Variants in PTPN11 observed in about 807,000 individuals in gnomAD.
PTPN11 encodes protein tyrosine phosphatase non-receptor type 11.
Under a neutral mutation model 78.8 loss-of-function variants are expected in PTPN11, and 6 were observed. The observed-to-expected ratio is 0.08, with a 90% CI of 0.04 to 0.15. The LOEUF (loss-of-function observed/expected upper bound fraction) is 0.15, where lower values mean the gene tolerates loss of function less well. Ranked by LOEUF, PTPN11 falls within the 10% of genes least tolerant of loss-of-function variation. The pLI is 1.00. For synonymous variants in PTPN11, 221 were observed against 263.5 expected (o/e 0.84, Z 1.56); for missense variants, 386 against 744.8 (o/e 0.52, Z 5.61).
chr12:112,464,525 G>A (rs984717169), intron 6 of PTPN11, among the ~76,000 whole-genome samples: 5 of 151,454 alleles, frequency 3.3e-5, no homozygotes, highest in African/African-American at 7.3e-5. Context: ...TCCACCTCCC[G>A]GGTTCTTGTG....
chr12:112,444,795 C>T (rs1328831699), intron 1 of PTPN11, among the ~76,000 whole-genome samples: 3 of 152,130 alleles, frequency 2.0e-5, no homozygotes, highest in African/African-American at 7.2e-5. Context: ...GAGGATCCTG[C>T]AGTTTGTCTC....
chr12:112,445,530 T>A (rs1592821995), intron 1 of PTPN11, among the ~76,000 whole-genome samples: 1 of 152,216 alleles, frequency 6.6e-6, no homozygotes, highest in East Asian at 1.9e-4. Context: ...CAATCTAACA[T>A]CATGGGATTT....
chr12:112,468,844 G>T (rs1298366156), intron 6 of PTPN11, among the ~76,000 whole-genome samples: 1 of 152,220 alleles, frequency 6.6e-6, no homozygotes, highest in East Asian at 1.9e-4. Flanking sequence ...CCGGAGGAGG[G>T]CTGGAGTCCT....
chr12:112,468,969 T>C (rs2038371848), intron 6 of PTPN11, among the ~76,000 whole-genome samples: 1 of 152,038 alleles, frequency 6.6e-6, no homozygotes, highest in Admixed American at 6.6e-5. Flanking sequence ...GAGGCTGAGG[T>C]GCGAGGATCA....
At chr12:112,441,277 T>G (rs1247244778) in intron 1 of PTPN11, among the ~76,000 whole-genome samples, 1 of 150,776 alleles carries the variant, frequency 6.6e-6, no homozygotes, top group Non-Finnish European at 1.5e-5. Flanking sequence ...TTTTTTTAAA[T>G]CTGAGAAGAG....
intron 6 of PTPN11, among the ~76,000 whole-genome samples, chr12:112,465,013 A>G (rs1337523572): frequency 6.6e-6 from 1 of 152,258 alleles, no homozygotes. Flanking sequence ...TCAAATGAGA[A>G]TGACACTAAC....
intron 1 of PTPN11, among the ~76,000 whole-genome samples, chr12:112,444,294 A>G (rs560623593): frequency 1.4e-4 from 22 of 152,056 alleles, no homozygotes; most frequent in African/African-American, 5.1e-4. Context: ...AATTACTTTG[A>G]GTATATACCT....
intron 1 of PTPN11, among the ~76,000 whole-genome samples, chr12:112,443,376 G>A (rs1364460721): frequency 1.4e-5 from 2 of 148,090 alleles, no homozygotes; most frequent in African/African-American, 5.0e-5. Context: ...TTTTTTTTTG[G>A]AGATGGAATT....
At position 112,424,867 on chromosome 12, in the gene PTPN11, TTG is replaced by T. The variant is rs567490227; in HGVS notation, c.14+5764_14+5765del. On this transcript the variant is annotated intron_variant, in intron 1 of 15. Coordinates refer to ENST00000351677, the MANE Select transcript of PTPN11 (RefSeq NM_002834.5). ...GGCACACGCCACCATGTCAGGCTAA[TTG>T]TGTGTGTGTGTGTGTGTGTGTATGT... Among the ~76,000 whole-genome samples the T allele has an allele frequency of 1.4e-3, 193 of 134,962 alleles. 1 individual carries two copies. The highest frequency in any genetic ancestry group is 3.8e-3 in the Middle Eastern group (1 of 262). 88.5% of individuals were successfully genotyped at this position (134,962 alleles called of 152,430 possible).
At chr12:112,470,087 A>G (rs1002755095) in intron 6 of PTPN11, among the ~76,000 whole-genome samples, 6 of 151,950 alleles carry the variant, frequency 3.9e-5, no homozygotes, top group African/African-American at 1.5e-4. Flanking sequence ...ATGTCTGGCT[A>G]ATCTTTAAAT....
Position 112,442,833 on chromosome 12 carries a change from TATATATA to T in PTPN11, c.15-3442_15-3436del, listed in dbSNP as rs1566162566. Among the ~76,000 whole-genome samples the T allele has an allele frequency of 2.9e-4, 5 of 17,002 alleles. No homozygotes were observed. In the African/African-American group the frequency reaches 3.6e-3, roughly 12 times the overall value. 11.2% of individuals were successfully genotyped at this position (17,002 alleles called of 152,430 possible). A position where few individuals can be genotyped will look rare whatever the true frequency, so the allele number is the denominator to read the frequency against. On this transcript the variant is annotated intron_variant, in intron 1 of 15. Coordinates refer to ENST00000351677, the MANE Select transcript of PTPN11 (RefSeq NM_002834.5). ...TCTCCTCTCTCTCTCTCTCTTTTTA[TATATATA>T]TATATATATATATATATATATATAT...
intron 1 of PTPN11, among the ~76,000 whole-genome samples, chr12:112,443,092 T>C (rs564262378): frequency 2.0e-5 from 3 of 151,480 alleles, no homozygotes; most frequent in African/African-American, 7.2e-5. Flanking sequence ...ACAAGGACAC[T>C]TGGTTACATA....
At position 112,467,213 on chromosome 12, in the gene PTPN11, AAC is replaced by A. The variant is rs2038342778; in HGVS notation, c.757-5729_757-5728del. 2.0e-5 allele frequency among the ~76,000 whole-genome samples: 3 copies of A among 152,338 alleles called. No individual in the cohort carries two copies. In the South Asian group the frequency reaches 6.2e-4, roughly 32 times the overall value. ...AGTGCCGTTGGGTACTCACATGTAC[AAC>A]ATGGATCAGGACATTGACTTTCTGT... On this transcript the variant is annotated intron_variant, in intron 6 of 15. Coordinates refer to ENST00000351677, the MANE Select transcript of PTPN11 (RefSeq NM_002834.5).
chr12:112,462,356 A>T (rs899909784), intron 6 of PTPN11, among the ~76,000 whole-genome samples: 4 of 147,132 alleles, frequency 2.7e-5, no homozygotes, highest in Non-Finnish European at 6.0e-5. Context: ...CCCTGTTTTT[A>T]AAAAAAAAAA....
chr12:112,485,148 C>T (rs950604698), intron 10 of PTPN11, among the ~76,000 whole-genome samples: 1 of 151,842 alleles, frequency 6.6e-6, no homozygotes, highest in Admixed American at 6.6e-5. Flanking sequence ...ACTCGGGAGT[C>T]GAGTCTGAGG....
intron 7 of PTPN11, among the ~76,000 whole-genome samples, chr12:112,475,838 T>A (rs1214624879): frequency 6.6e-6 from 1 of 152,190 alleles, no homozygotes; most frequent in Non-Finnish European, 1.5e-5. Context: ...TGTATATGTA[T>A]GAGGATGGGG....
chr12:112,473,748 G>A (rs2038455267), intron 7 of PTPN11, among the ~76,000 whole-genome samples: 1 of 151,908 alleles, frequency 6.6e-6, no homozygotes, highest in South Asian at 2.1e-4. Context: ...TCGGGAGGCT[G>A]AGGCGGGAAA....
chr12:112,495,596 A>G (rs1592858748), intron 13 of PTPN11, among the ~76,000 whole-genome samples: 2 of 152,080 alleles, frequency 1.3e-5, no homozygotes, highest in South Asian at 4.1e-4. Context: ...TTCTCACTGC[A>G]TAATTACAAA....
At chr12:112,423,431 G>A (rs1312291945) in intron 1 of PTPN11, among the ~76,000 whole-genome samples, 1 of 151,828 alleles carries the variant, frequency 6.6e-6, no homozygotes, top group Non-Finnish European at 1.5e-5. Flanking sequence ...GATTACAGGT[G>A]CGTGCCACCA....
Sources: gnomAD v4.1 joint callset for allele counts (sites outside exome capture counted in the v4.1 genomes callset) on GRCh38, gnomAD v4.1.1 for gene constraint, MANE v1.5 for transcripts, NCBI Gene and HGNC (gene_info 2026-07-23, HGNC 2026-07-21) for gene names.